EGLN1: variants seen among roughly 807,000 people sequenced by gnomAD.
The protein encoded by EGLN1 is egl nine homolog 1.
EGLN1 carries 17 observed loss-of-function variants against 38.3 expected under a neutral mutation model. The ratio of observed to expected loss-of-function variants is 0.44; its 90% CI spans 0.30 to 0.67. The LOEUF is 0.67. EGLN1 is among the 30% of genes least tolerant of loss of function. The pLI is 0.08. For missense variants in EGLN1, 477 were observed against 603.3 expected, an observed-to-expected ratio of 0.79 and a Z score of 2.19; for synonymous variants, 283 against 257.5, an observed-to-expected ratio of 1.10 and a Z score of -0.95.
chr1:231,392,150 G>A (rs1167139812), intron 1 of EGLN1, among the ~76,000 whole-genome samples: 1 of 152,148 alleles, frequency 6.6e-6, no homozygotes, highest in African/African-American at 2.4e-5. Context: ...AGCCGGATGT[G>A]GTGGTGGGCG....
At chr1:231,395,001 C>T (rs762751900) in intron 1 of EGLN1, among the ~76,000 whole-genome samples, 24 of 152,126 alleles carry the variant, frequency 1.6e-4, no homozygotes, top group Admixed American at 5.9e-4. Flanking sequence ...AATGCATATT[C>T]TGATTCAGGA....
chr1:231,402,544 C>G (rs887065676), intron 1 of EGLN1, among the ~76,000 whole-genome samples: 2 of 151,754 alleles, frequency 1.3e-5, no homozygotes, highest in Non-Finnish European at 2.9e-5. Context: ...AAGCCATTCT[C>G]CTGCTTCACC....
At chr1:231,411,371 G>T (rs973641717) in intron 1 of EGLN1, among the ~76,000 whole-genome samples, 4 of 152,136 alleles carry the variant, frequency 2.6e-5, no homozygotes, top group Admixed American at 1.3e-4. Flanking sequence ...CAATTAAACT[G>T]CTTTTCTTTA....
At chr1:231,406,852 C>T (rs1418278735) in intron 1 of EGLN1, among the ~76,000 whole-genome samples, 1 of 152,054 alleles carries the variant, frequency 6.6e-6, no homozygotes, top group African/African-American at 2.4e-5. Context: ...TATATGACCG[C>T]CTTGGAAAAA....
chr1:231,366,551 A>C, intron 4 of EGLN1, 76 bp from the exon 5 acceptor site: 1 of 1,411,302 alleles, frequency 7.1e-7, no homozygotes, highest in Non-Finnish European at 1.0e-6. Context: ...ATTCCACTGA[A>C]TTCCTAAGAG....
chr1:231,401,592 T>G (rs982498147), intron 1 of EGLN1, among the ~76,000 whole-genome samples: 7 of 152,102 alleles, frequency 4.6e-5, no homozygotes, highest in Admixed American at 2.0e-4. Context: ...GCTAAATAAT[T>G]TATGTTACAA....
At chr1:231,406,469 G>A (rs536125) in intron 1 of EGLN1, among the ~76,000 whole-genome samples, 22,338 of 151,816 alleles carry the variant, frequency 0.15, 2,007 homozygotes, top group African/African-American at 0.24. Flanking sequence ...GGTATATACC[G>A]GTTAACTTTG....
intron 1 of EGLN1, among the ~76,000 whole-genome samples, chr1:231,387,383 G>A (rs2790888): frequency 0.55 from 78,061 of 141,376 alleles, 22,877 homozygotes; most frequent in Middle Eastern, 0.66. Flanking sequence ...TTTTTGTGAC[G>A]GCGTCTCGCT....
chr1:231,389,678 G>A (rs1026463362), intron 1 of EGLN1, among the ~76,000 whole-genome samples: 3 of 152,170 alleles, frequency 2.0e-5, no homozygotes, highest in African/African-American at 7.2e-5. Context: ...ACCGGGTGCG[G>A]TGGCTCACGC....
At chr1:231,389,391 G>A (rs1447714113) in intron 1 of EGLN1, among the ~76,000 whole-genome samples, 1 of 151,966 alleles carries the variant, frequency 6.6e-6, no homozygotes, top group Non-Finnish European at 1.5e-5. Context: ...ATTAGAGGGC[G>A]AACGTTGACA....
chr1:231,380,315 C>CAAAAAAAAA (rs35280417), intron 1 of EGLN1, among the ~76,000 whole-genome samples: 47 of 101,474 alleles, frequency 4.6e-4, no homozygotes, highest in South Asian at 7.4e-4. Context: ...GACTCCGTCT[C>CAAAAAAAAA]AAAAAAAAAA....
rs1656648315 is a variant in EGLN1 at position 231,422,002 on chromosome 1, C to G, written c.-114G>C. The G allele has an allele frequency of 1.7e-6, 2 of 1,145,024 alleles. No homozygotes were observed. The highest frequency in any genetic ancestry group is 2.2e-6 in the Non-Finnish European group (2 of 890,580). 70.9% of individuals were successfully genotyped at this position (1,145,024 alleles called of 1,614,324 possible). A position where few individuals can be genotyped will look rare whatever the true frequency, so the allele number is the denominator to read the frequency against. On this transcript the variant is annotated 5_prime_UTR_variant, in exon 1 of 5. The change abolishes an upstream ATG in the 5' untranslated region. Transcript: ENST00000366641. The stretch of plus-strand genomic sequence containing the variant: ...AGAGAGATAGGGGCCGTTACTGCGC[C>G]ATGCACCCGCTACCCTCGCCTCAGG...
In EGLN1 at chr1:231,373,677, C is replaced by CGTGT. The variant is rs60871560; in HGVS notation, c.1011+299_1011+302dup. Among the ~76,000 whole-genome samples the CGTGT allele has an allele frequency of 6.6e-4, 60 of 91,320 alleles. 1 individual carries two copies. The highest frequency in any genetic ancestry group is 1.9e-3 in the African/African-American group (55 of 28,370). 59.9% of individuals were successfully genotyped at this position (91,320 alleles called of 152,430 possible). ...TTCCCTTCCCCTAACCTCGTGTGTG[C>CGTGT]GTGTGTGTGTGTGTGTGTGTGTGTG... On this transcript the variant is annotated intron_variant, in intron 2 of 4. Coordinates refer to ENST00000366641, the MANE Select transcript of EGLN1 (RefSeq NM_022051.3).
intron 1 of EGLN1, among the ~76,000 whole-genome samples, chr1:231,419,111 C>G (rs1390515207): frequency 6.6e-6 from 1 of 152,134 alleles, no homozygotes; most frequent in African/African-American, 2.4e-5. Context: ...AGTTGCGTCC[C>G]TAAAATTAAT....
At chr1:231,369,146 A>C (rs1191667610) in intron 3 of EGLN1, among the ~76,000 whole-genome samples, 2 of 151,926 alleles carry the variant, frequency 1.3e-5, no homozygotes, top group Non-Finnish European at 2.9e-5. Context: ...TCCATGCCTT[A>C]ACTTGAACAA....
chr1:231,412,561 A>G (rs1688981457), intron 1 of EGLN1, among the ~76,000 whole-genome samples: 1 of 152,194 alleles, frequency 6.6e-6, no homozygotes, highest in African/African-American at 2.4e-5. Context: ...GACAACACTA[A>G]AAGTGTTGCA....
In EGLN1 at chr1:231,373,282, T is replaced by C. The variant is rs16854139; in HGVS notation, c.1011+698A>G. Among the ~76,000 whole-genome samples, 316 of 152,262 alleles carry C rather than the reference T, an allele frequency of 2.1e-3. 3 individuals carry two copies. The highest frequency in any genetic ancestry group is 0.014 in the East Asian group (73 of 5,192). On this transcript the variant is annotated intron_variant, in intron 2 of 4. Coordinates refer to ENST00000366641, the MANE Select transcript of EGLN1 (RefSeq NM_022051.3). The stretch of plus-strand genomic sequence containing the variant: ...ACAACTCAATGCCATATAATATTTT[T>C]ACAAAAATGCCAAGAATAACATAGC...
At chr1:231,391,096 G>T (rs200525437) in intron 1 of EGLN1, among the ~76,000 whole-genome samples, 3,072 of 64,850 alleles carry the variant, frequency 0.047, 241 homozygotes, top group East Asian at 0.19. Flanking sequence ...TTTTTTTTGT[G>T]TGTGTGTGTG....
intron 3 of EGLN1, 84 bp from the exon 4 acceptor site, chr1:231,367,720 G>T: frequency 1.7e-6 from 2 of 1,182,484 alleles, no homozygotes; most frequent in East Asian, 4.7e-5. Flanking sequence ...ATTAAAACTT[G>T]TAATGCCAAA....
Sources: gnomAD v4.1 joint callset for allele counts (sites outside exome capture counted in the v4.1 genomes callset) on GRCh38, gnomAD v4.1.1 for gene constraint, MANE v1.5 for transcripts, NCBI Gene and HGNC (gene_info 2026-07-23, HGNC 2026-07-21) for gene names.